Variants in USF3 observed in about 807,000 individuals in gnomAD.
USF3 encodes the protein upstream transcription factor family member 3.
Under a neutral mutation model 157.5 loss-of-function variants are expected in USF3, and 29 were observed. The ratio of observed to expected loss-of-function variants is 0.18; its 90% CI spans 0.14 to 0.25. The LOEUF is 0.25. Ranked by LOEUF, USF3 falls within the 10% of genes least tolerant of loss-of-function variation. The probability of loss-of-function intolerance (pLI) is 1.00; values close to 1 mark genes in which losing one functional copy is unlikely to be tolerated. For synonymous variants in USF3, 893 were observed against 941.4 expected (o/e 0.95, Z 0.94); for missense variants, 2,381 against 2,667.6 (o/e 0.89, Z 2.37).
chr3:113,695,228 T>C (rs890055287), intron 1 of USF3, among the ~76,000 whole-genome samples: 16 of 152,308 alleles, frequency 1.1e-4, no homozygotes, highest in African/African-American at 3.4e-4. Context: ...TACAATGTAT[T>C]TTACTTCTTT....
chr3:113,679,772 C>A (rs1218522859), intron 1 of USF3, among the ~76,000 whole-genome samples: 3 of 152,070 alleles, frequency 2.0e-5, no homozygotes, highest in Non-Finnish European at 4.4e-5. Context: ...CAGAAGCAAA[C>A]CCTATCCTAA....
rs1182526690 is a variant in USF3, at chr3:113,683,977, CTTG to C, written c.-134-6583_-134-6581del. On this transcript the variant is annotated intron_variant, in intron 1 of 6. Coordinates refer to ENST00000316407, the MANE Select transcript of USF3 (RefSeq NM_001009899.4). ...CGTACCTTCAGACAATTTCTTATTA[CTTG>C]TTAACATCTTTTTCTTTCAAGTTGA... 7.9e-5 allele frequency among the ~76,000 whole-genome samples: 12 copies of C among 152,268 alleles called. No individual in the cohort carries two copies. In the East Asian group the frequency reaches 2.1e-3, roughly 27 times the overall value.
intron 1 of USF3, among the ~76,000 whole-genome samples, chr3:113,690,879 C>G (rs1163623120): frequency 6.6e-6 from 1 of 152,256 alleles, no homozygotes; most frequent in South Asian, 2.1e-4. Flanking sequence ...CTCTTAGTGC[C>G]TTTCCATTAA....
At chr3:113,685,128 T>C (rs888390537) in intron 1 of USF3, among the ~76,000 whole-genome samples, 2 of 152,158 alleles carry the variant, frequency 1.3e-5, no homozygotes, top group African/African-American at 4.8e-5. Flanking sequence ...ACTTTAGCGG[T>C]CTTGAGTAAG....
intron 1 of USF3, among the ~76,000 whole-genome samples, chr3:113,682,999 C>A (rs1468405917): frequency 6.6e-6 from 1 of 150,802 alleles, no homozygotes; most frequent in Non-Finnish European, 1.5e-5. Context: ...TAAAAACTTA[C>A]TCCCACCATT....
intron 2 of USF3, among the ~76,000 whole-genome samples, chr3:113,676,532 C>A (rs1449116984): frequency 6.6e-6 from 1 of 152,106 alleles, no homozygotes; most frequent in East Asian, 1.9e-4. Context: ...AGGGTAACGG[C>A]CCCCATGATT....
chr3:113,691,337 C>G (rs913229771), intron 1 of USF3, among the ~76,000 whole-genome samples: 1 of 152,072 alleles, frequency 6.6e-6, no homozygotes, highest in Non-Finnish European at 1.5e-5. Context: ...CTTACTACCC[C>G]CTCTTCCTCA....
At chr3:113,684,531 T>G (rs542121750) in intron 1 of USF3, among the ~76,000 whole-genome samples, 1 of 152,296 alleles carries the variant, frequency 6.6e-6, no homozygotes, top group South Asian at 2.1e-4. Flanking sequence ...CCTGTGGGCA[T>G]GCTTCATATT....
chr3:113,684,371 C>T (rs115073686), intron 1 of USF3, among the ~76,000 whole-genome samples: 3,053 of 152,122 alleles, frequency 0.02, 49 homozygotes, highest in Non-Finnish European at 0.031. Flanking sequence ...CTATAACCTC[C>T]TTGGACTTGA....
Position 113,696,544 on chromosome 3 carries a change from C to CCCCCCG in USF3, c.-315_-310dup, listed in dbSNP as rs1366290167. On this transcript the variant is annotated 5_prime_UTR_variant, in exon 1 of 7. Transcript: ENST00000316407. ...GGAGCGCGGGCCCAGGCCCTCCTCT[C>CCCCCCG]CCCCCGCCCCCGCCGCCTCTTTTTG... 6.6e-6 allele frequency: 1 copy of CCCCCCG among 150,872 alleles called. No homozygotes were observed. The highest frequency in any genetic ancestry group is 6.6e-5 in the Admixed American group (1 of 15,210). 9.3% of individuals were successfully genotyped at this position (150,872 alleles called of 1,614,324 possible).
At chr3:113,687,447 C>T (rs146654618) in intron 1 of USF3, among the ~76,000 whole-genome samples, 208 of 152,336 alleles carry the variant, frequency 1.4e-3, no homozygotes, top group African/African-American at 4.8e-3. Flanking sequence ...ACTGGGGTGT[C>T]ACTGCTTCCA....
Position 113,658,159 on chromosome 3 carries a change from G to A in USF3, c.3523C>T (p.Pro1175Ser). Residue 1175 changes from proline to serine, a missense_variant, in exon 7 of 7, where the codon CCC becomes TCC. Coordinates refer to ENST00000316407, the MANE Select transcript of USF3 (RefSeq NM_001009899.4). ...SEASLLEGDPPFKSQIPKESG... is the reference protein window; with the variant it reads ...SEASLLEGDPSFKSQIPKESG... ...TCTTTAGGTATCTGTGATTTGAAGG[G>A]TGGGTCTCCCTCTAACAATGATGCT... The A allele has an allele frequency of 1.2e-6, 2 of 1,614,108 alleles. No individual in the cohort carries two copies. Among genetic ancestry groups the A allele is most frequent in the Non-Finnish European group, 1.7e-6 (2 of 1,180,022 alleles).
intron 1 of USF3, among the ~76,000 whole-genome samples, chr3:113,694,729 A>T (rs189691335): frequency 2.0e-5 from 3 of 152,306 alleles, no homozygotes; most frequent in Non-Finnish European, 4.4e-5. Flanking sequence ...ACACACAAAC[A>T]TCTCATAATG....
At chr3:113,694,352 T>C (rs1370980366) in intron 1 of USF3, among the ~76,000 whole-genome samples, 1 of 152,218 alleles carries the variant, frequency 6.6e-6, no homozygotes, top group African/African-American at 2.4e-5. Context: ...AAAGTACCCA[T>C]CAATTTCTCA....
In USF3 at chr3:113,688,877, GA is replaced by G. The variant is rs370250976; in HGVS notation, c.-135+7492del. On this transcript the variant is annotated intron_variant, in intron 1 of 6. Coordinates refer to ENST00000316407, the MANE Select transcript of USF3 (RefSeq NM_001009899.4). The stretch of plus-strand genomic sequence containing the variant: ...AACATGGTGAAACCCCGTCTCTACT[GA>G]AAATTAGCTGGGCGTGGTGGCGGGA... Among the ~76,000 whole-genome samples the G allele has an allele frequency of 9.1e-4, 139 of 151,984 alleles. 2 individuals carry two copies. In the East Asian group the frequency reaches 0.022, roughly 24 times the overall value.
Position 113,659,242 on chromosome 3 carries a change from G to A in USF3, c.2440C>T (p.Leu814=). 1 of 1,614,164 alleles carries A rather than the reference G, an allele frequency of 6.2e-7. No homozygotes were observed. Among genetic ancestry groups the A allele is most frequent in the Non-Finnish European group, 8.5e-7 (1 of 1,180,034 alleles). The change falls in exon 7 of 7, where the codon CTG becomes TTG. Residue 814 remains leucine (L), a synonymous_variant. Transcript: ENST00000316407. Reference sequence around the variant, plus strand: ...TTGCTCACATCTCTGACTGAATTCAGGGGACACGCTGACTTGTTTGCTGCT... The same window carrying A: ...TTGCTCACATCTCTGACTGAATTCAAGGGACACGCTGACTTGTTTGCTGCT... The part of the protein sequence containing the change: ...HLAANKSACP[L]NSVRDVSKLD...
rs1322938479 is a variant in USF3, at chr3:113,649,471, CTGAGTT to C, written c.*5467_*5472del. ...GTTGAATGACCACCACATACAAGCT[CTGAGTT>C]TAACAGGAGTTTTGCTACTAGGTTT... is the stretch of plus-strand genomic sequence containing the variant. On this transcript the variant is annotated 3_prime_UTR_variant, in exon 7 of 7. Coordinates refer to ENST00000316407, the MANE Select transcript of USF3 (RefSeq NM_001009899.4). 5.0e-6 allele frequency: 1 copy of C among 198,960 alleles called. No individual in the cohort carries two copies. Among genetic ancestry groups the C allele is most frequent in the Non-Finnish European group, 1.0e-5 (1 of 99,200 alleles). The allele number at this position is 198,960 out of a possible 1,614,324, so 12.3% of individuals were successfully genotyped here.
At chr3:113,666,251 T>C (rs968487071) in intron 5 of USF3, among the ~76,000 whole-genome samples, 2 of 140,456 alleles carry the variant, frequency 1.4e-5, no homozygotes, top group African/African-American at 5.2e-5. Context: ...CATCTTTCTT[T>C]TTTTTTTTTT....
At position 113,661,046 on chromosome 3, in the gene USF3, G is replaced by A. The variant is rs753811891; in HGVS notation, c.636C>T (p.Thr212=). The change falls in exon 7 of 7, where the codon ACC becomes ACT. Residue 212 remains threonine (T), a synonymous_variant. Transcript: ENST00000316407. ...GGTTGGTAGCCAATGCAGGAACTGTGGTCTGATGCCATGGCTTGTTTTCAG... is the reference window on the plus strand; with the variant it reads ...GGTTGGTAGCCAATGCAGGAACTGTAGTCTGATGCCATGGCTTGTTTTCAG... ...YPSENKPWHQ[T]TVPALATNQP... 18 of 1,614,118 alleles carry A rather than the reference G, an allele frequency of 1.1e-5. No individual in the cohort carries two copies. Among genetic ancestry groups the A allele is most frequent in the Admixed American group, 1.7e-5 (1 of 60,010 alleles).
Sources: allele counts gnomAD v4.1 joint callset (sites outside exome capture counted in the v4.1 genomes callset), GRCh38; gene constraint gnomAD v4.1.1; transcripts MANE v1.5; gene names NCBI Gene and HGNC (gene_info 2026-07-23, HGNC 2026-07-21).